LILRB4: variants seen among roughly 807,000 people sequenced by gnomAD.
The protein encoded by LILRB4 is leukocyte immunoglobulin like receptor B4.
Under a neutral mutation model 55.2 loss-of-function variants are expected in LILRB4, and 49 were observed. That is an observed-to-expected ratio of 0.89 (90% confidence interval 0.71 to 1.13). LILRB4 has a LOEUF of 1.13. Among genes scored for constraint, LILRB4 ranks in the 50% most tolerant of loss-of-function variants. The pLI is 0.00. For missense variants in LILRB4, 590 were observed against 555.2 expected, an observed-to-expected ratio of 1.06 and a Z score of -0.63; for synonymous variants, 229 against 213.8, an observed-to-expected ratio of 1.07 and a Z score of -0.62.
At chr19:54,663,221 C>A (rs757673239) in intron 1 of LILRB4, among the ~76,000 whole-genome samples, 154 bp downstream of exon 1, 2 of 151,736 alleles carry the variant, frequency 1.3e-5, no homozygotes, top group South Asian at 4.2e-4. Context: ...CCGAGGCGGG[C>A]GGATCACGAG....
chr19:54,664,624 G>C (rs2146388379), intron 4 of LILRB4, 139 bp downstream of exon 4: 2 of 1,070,016 alleles, frequency 1.9e-6, no homozygotes, highest in Non-Finnish European at 1.3e-6. Flanking sequence ...AGGACAACAG[G>C]GGCCCTCCCA....
exon 4 of LILRB4, chr19:54,664,260 T>C (rs771981651): frequency 6.2e-7 from 1 of 1,614,106 alleles, no homozygotes; most frequent in East Asian, 2.2e-5. Context: ...GACCCTGCTG[T>C]GTCAGTCACG....
At chr19:54,664,641 C>T (rs2065183929) in intron 4 of LILRB4, among the ~76,000 whole-genome samples, 156 bp downstream of exon 4, 1 of 152,204 alleles carries the variant, frequency 6.6e-6, no homozygotes, top group Non-Finnish European at 1.5e-5. Flanking sequence ...CCCAGGCATG[C>T]CCATGCTCTT....
chr19:54,664,046 G>A lies in LILRB4; in HGVS notation c.355+8G>A, dbSNP rs1435197562. 6.2e-7 allele frequency: 1 copy of A among 1,607,690 alleles called. No homozygotes were observed. Among genetic ancestry groups the A allele is most frequent in the African/African-American group, 1.4e-5 (1 of 73,790 alleles). On this transcript the variant is annotated splice_region_variant and intron_variant, in intron 3 of 11. Coordinates refer to ENST00000430952, the Ensembl canonical transcript of LILRB4. Reference sequence around the variant, plus strand: ...TGGAGCTGGTGATGACAGGTGAGAGGACACTCAGGGGTCCCAGCCCCAGGC... The same window carrying A: ...TGGAGCTGGTGATGACAGGTGAGAGAACACTCAGGGGTCCCAGCCCCAGGC...
rs1397890946 is a variant in LILRB4, at chr19:54,665,614, C to G, written c.758-201C>G. On this transcript the variant is annotated intron_variant, in intron 6 of 11. Transcript: ENST00000430952. This position sits in a 1 kb window ranked among gnomAD's most constrained non-coding sequence, Gnocchi z 5.5. ...TCTGCCGCTTCCTGGCTGGAGGGGT[C>G]TGGGGCAGGCGATTCCCCTCTCTGA... Among the ~76,000 whole-genome samples the G allele has an allele frequency of 6.6e-6, 1 of 152,122 alleles. No individual in the cohort carries two copies. The highest frequency in any genetic ancestry group is 2.4e-5 in the African/African-American group (1 of 41,412).
At chr19:54,664,165 C>A in intron 3 of LILRB4, 21 bp from the exon 4 acceptor site, 1 of 1,603,070 alleles carries the variant, frequency 6.2e-7, no homozygotes, top group Non-Finnish European at 8.5e-7. Context: ...CCATTTAACA[C>A]GGTGCCTCCT....
intron 1 of LILRB4, 105 bp from the exon 2 acceptor site, chr19:54,663,427 C>T: frequency 1.6e-6 from 2 of 1,242,076 alleles, no homozygotes; most frequent in Non-Finnish European, 2.2e-6. Flanking sequence ...GCCTGGGTGA[C>T]AGCGAGACTC....
rs910225273 is a variant in LILRB4, at chr19:54,667,800, C to T, written c.1197+7C>T. The T allele has an allele frequency of 6.2e-7, 1 of 1,610,808 alleles. No homozygotes were observed. The highest frequency in any genetic ancestry group is 8.5e-7 in the Non-Finnish European group (1 of 1,179,116). Reference sequence around the variant, plus strand: ...CAGACAGATGGACACTGAGGTGAGTCCTTTCCTCTCCAGGCCCCCAGGCCT... The same window carrying T: ...CAGACAGATGGACACTGAGGTGAGTTCTTTCCTCTCCAGGCCCCCAGGCCT... On this transcript the variant is annotated splice_region_variant and intron_variant, in intron 11 of 11. Transcript: ENST00000430952.
At position 54,668,025 on chromosome 19, in the gene LILRB4, G is replaced by A. The variant is rs761867694; in HGVS notation, c.*6G>A. The A allele has an allele frequency of 4.7e-5, 76 of 1,613,862 alleles. No individual in the cohort carries two copies. In the Admixed American group the frequency reaches 8.7e-4, roughly 18 times the overall value. On this transcript the variant is annotated 3_prime_UTR_variant, in exon 12 of 12. Transcript: ENST00000430952. The stretch of plus-strand genomic sequence containing the variant: ...CCACTCTGGCCATCCACTAATCCAG[G>A]GGGGACCCAGACCCCACAAGCCATG...
In LILRB4 at chr19:54,665,089, A is replaced by G. The variant is rs1453082463; in HGVS notation, c.707-41A>G. 4.4e-6 allele frequency: 7 copies of G among 1,604,616 alleles called. No homozygotes were observed. Among genetic ancestry groups the G allele is most frequent in the East Asian group, 2.2e-5 (1 of 44,658 alleles). On this transcript the variant is annotated intron_variant, in intron 5 of 11. Coordinates refer to ENST00000430952, the Ensembl canonical transcript of LILRB4. The surrounding 1 kb of genome is among the most constrained non-coding windows in gnomAD (Gnocchi z 5.5). ...GGGGAGAAGCCGAGCTGATGTGGGGAGCAGGGCAGCCCCAGCCCTCACATC... is the reference window on the plus strand; with the variant it reads ...GGGGAGAAGCCGAGCTGATGTGGGGGGCAGGGCAGCCCCAGCCCTCACATC...
chr19:54,663,895 G>A (rs768975117), exon 3 of LILRB4: 1 of 1,614,170 alleles, frequency 6.2e-7, no homozygotes, highest in Admixed American at 1.7e-5. Flanking sequence ...CCCTGGGACA[G>A]ACAGAACCCA....
chr19:54,663,169 G>C (rs538027065), intron 1 of LILRB4, 102 bp downstream of exon 1: 1 of 1,363,222 alleles, frequency 7.3e-7, no homozygotes, highest in African/African-American at 1.5e-5. Context: ...CAGGGTAGCC[G>C]GGCGCGGTGG....
At chr19:54,663,970 A>T (rs751606597) in exon 3 of LILRB4, 3 of 1,614,062 alleles carry the variant, frequency 1.9e-6, no homozygotes, top group Non-Finnish European at 2.5e-6. Flanking sequence ...GCAGGGAGAT[A>T]CCGCTGTTAC....
At chr19:54,663,381 G>A (rs1171740790) in intron 1 of LILRB4, 151 bp from the exon 2 acceptor site, 3 of 1,235,244 alleles carry the variant, frequency 2.4e-6, no homozygotes, top group Non-Finnish European at 3.3e-6. Flanking sequence ...GGGAGGCGGA[G>A]CTTGCAGTGA....
Position 54,666,231 on chromosome 19 carries a change from T to C in LILRB4, c.875-9T>C. 6.3e-7 allele frequency: 1 copy of C among 1,582,610 alleles called. No individual in the cohort carries two copies. Among genetic ancestry groups the C allele is most frequent in the South Asian group, 1.2e-5 (1 of 86,028 alleles). On this transcript the variant is annotated splice_polypyrimidine_tract_variant and intron_variant, in intron 7 of 11. Transcript: ENST00000430952. This position sits in a 1 kb window ranked among gnomAD's most constrained non-coding sequence, Gnocchi z 4.8. ...TCCCAGAGCTGAGACTCTGTCCATC[T>C]TCCCCCAGCCCAGAGACAGGCTGAT... is the stretch of plus-strand genomic sequence containing the variant.
In LILRB4 at chr19:54,665,967, AGGGTGGGCT is replaced by A. The variant is rs1275413050; in HGVS notation, c.874+37_874+45del. 9 of 1,613,306 alleles carry A rather than the reference AGGGTGGGCT, an allele frequency of 5.6e-6. No individual in the cohort carries two copies. Among genetic ancestry groups the A allele is most frequent in the Non-Finnish European group, 7.6e-6 (9 of 1,179,594 alleles). On this transcript the variant is annotated intron_variant, in intron 7 of 11. Coordinates refer to ENST00000430952, the Ensembl canonical transcript of LILRB4. The surrounding 1 kb of genome is among the most constrained non-coding windows in gnomAD (Gnocchi z 5.5). Reference sequence around the variant, plus strand: ...AATTGGGGGACCCGTGGGCTGATGGAGGGTGGGCTCAGGGCACCAGCCAAAGGGACTCCA... The same window carrying A: ...AATTGGGGGACCCGTGGGCTGATGGACAGGGCACCAGCCAAAGGGACTCCA...
In LILRB4 at chr19:54,666,494, A is replaced by G. The variant is rs747219233; in HGVS notation, c.988+58A>G. ...TGGAGCTGGGGGTCCCAAAATTTCA[A>G]TAGCAATGGGGGCAGGAGCACAGGC... On this transcript the variant is annotated intron_variant, in intron 9 of 11. Coordinates refer to ENST00000430952, the Ensembl canonical transcript of LILRB4. This position sits in a 1 kb window ranked among gnomAD's most constrained non-coding sequence, Gnocchi z 4.8. The G allele has an allele frequency of 5.3e-5, 84 of 1,587,148 alleles. No individual in the cohort carries two copies. The highest frequency in any genetic ancestry group is 6.9e-5 in the Non-Finnish European group (80 of 1,158,394).
In LILRB4 at chr19:54,667,247, G is replaced by GA. The variant is rs1026149378; in HGVS notation, c.1042-390dup. ...AGGAACATAAACCAGGTAAAGGGCA[G>GA]AGAGTGTGGGGCAGTGGGGCCAGTC... is the stretch of plus-strand genomic sequence containing the variant. On this transcript the variant is annotated intron_variant, in intron 10 of 11. Coordinates refer to ENST00000430952, the Ensembl canonical transcript of LILRB4. The GA allele has an allele frequency of 1.2e-5, 7 of 577,164 alleles. No individual in the cohort carries two copies. In the African/African-American group the frequency reaches 1.3e-4, roughly 11 times the overall value. 35.8% of individuals were successfully genotyped at this position (577,164 alleles called of 1,614,324 possible).
At chr19:54,663,050 C>T (rs529915221) in exon 1 of LILRB4, 9 of 1,613,792 alleles carry the variant, frequency 5.6e-6, no homozygotes, top group African/African-American at 2.7e-5. Flanking sequence ...CCCACCTTCA[C>T]GGCTCTGCTC....
Sources: allele counts gnomAD v4.1 joint callset (sites outside exome capture counted in the v4.1 genomes callset), GRCh38; gene constraint gnomAD v4.1.1; non-coding constraint Gnocchi (gnomAD v3.1); transcripts MANE v1.5; gene names NCBI Gene and HGNC (gene_info 2026-07-23, HGNC 2026-07-21).